The following LRP2 variants were observed in gnomAD, a reference collection of about 807,000 sequenced individuals.
The protein encoded by LRP2 is LDL receptor related protein 2.
LRP2 carries 172 observed loss-of-function variants against 531.0 expected under a neutral mutation model. That is an observed-to-expected ratio of 0.32 (90% confidence interval 0.29 to 0.37). The LOEUF (loss-of-function observed/expected upper bound fraction) is 0.37. Among genes scored for constraint, LRP2 ranks in the 10% least tolerant of loss-of-function variants. LRP2 has a pLI of 1.00. For missense variants in LRP2, 5,167 were observed against 5,868.3 expected (o/e 0.88, Z 3.90); for synonymous variants, 1,992 against 2,027.6 (o/e 0.98, Z 0.47).
chr2:169,233,964 G>A (rs1353144170), intron 29 of LRP2, among the ~76,000 whole-genome samples: 2 of 151,962 alleles, frequency 1.3e-5, no homozygotes, highest in East Asian at 1.9e-4. Context: ...CCACTCCCAC[G>A]CCCCAGCCTT....
chr2:169,345,307 C>G (rs1685667729), intron 1 of LRP2, among the ~76,000 whole-genome samples: 1 of 152,178 alleles, frequency 6.6e-6, no homozygotes, highest in Non-Finnish European at 1.5e-5. Context: ...GAGCTGCCTT[C>G]TTTCCAGAAT....
At chr2:169,238,923 T>G (rs774375032) in intron 26 of LRP2, among the ~76,000 whole-genome samples, 8 of 152,158 alleles carry the variant, frequency 5.3e-5, no homozygotes, top group Non-Finnish European at 8.8e-5. Context: ...GGAAGCTGCT[T>G]GCCCTCCACT....
rs566407813 is a variant in LRP2, at chr2:169,202,763, A to T, written c.8202T>A (p.Ser2734Arg). 3.1e-6 allele frequency: 5 copies of T among 1,614,146 alleles called. No homozygotes were observed. The East Asian group carries it at 6.7e-5, about 22-fold the overall frequency. The stretch of plus-strand genomic sequence containing the variant: ...GCCAAGAGTCCAACTCACCACAGAC[A>T]CTTTCCATCTCATCACTGCCATCCC... Reference protein sequence around the residue: ...DCGDGSDEMESVCALHTCSPT... With the variant: ...DCGDGSDEMERVCALHTCSPT... Residue 2734 changes from serine to arginine, a missense_variant, in exon 43 of 79, where the codon AGT becomes AGA. Transcript: ENST00000649046.
intron 21 of LRP2, among the ~76,000 whole-genome samples, chr2:169,245,142 A>C (rs184576201): frequency 1.8e-4 from 28 of 152,326 alleles, no homozygotes; most frequent in African/African-American, 5.8e-4. Flanking sequence ...TTTCTAAGTT[A>C]TGCACCCACA....
At chr2:169,281,826 T>C (rs1410406840) in intron 10 of LRP2, among the ~76,000 whole-genome samples, 2 of 152,108 alleles carry the variant, frequency 1.3e-5, no homozygotes, top group African/African-American at 4.8e-5. Flanking sequence ...ATTCACAAGA[T>C]GCAGAACTGT....
At chr2:169,330,194 A>C (rs1685228199) in intron 1 of LRP2, among the ~76,000 whole-genome samples, 1 of 152,186 alleles carries the variant, frequency 6.6e-6, no homozygotes, top group African/African-American at 2.4e-5. Context: ...ACAACATCCT[A>C]GTGACCAGCC....
intron 58 of LRP2, 64 bp downstream of exon 58, chr2:169,171,951 T>C (rs1687019240): frequency 2.5e-6 from 4 of 1,605,386 alleles, no homozygotes; most frequent in Admixed American, 1.7e-5. Flanking sequence ...AGTTGAATTA[T>C]GGACAAAAAG....
chr2:169,326,631 C>T (rs929214570), intron 1 of LRP2, among the ~76,000 whole-genome samples: 6 of 152,176 alleles, frequency 3.9e-5, no homozygotes, highest in African/African-American at 1.4e-4. Flanking sequence ...CTCTGCCCGG[C>T]CACCACCCCG....
chr2:169,205,001 A>C (rs960071557), intron 41 of LRP2, among the ~76,000 whole-genome samples: 1 of 152,038 alleles, frequency 6.6e-6, no homozygotes, highest in Non-Finnish European at 1.5e-5. Flanking sequence ...ATTTGAAAAG[A>C]TGACAAAAAG....
At position 169,315,784 on chromosome 2, in the gene LRP2, G is replaced by A. The variant is rs146109772; in HGVS notation, c.310+2978C>T. Among the ~76,000 whole-genome samples the A allele has an allele frequency of 4.7e-3, 710 of 152,112 alleles. 3 individuals carry two copies. The highest frequency in any genetic ancestry group is 6.8e-3 in the Non-Finnish European group (459 of 67,998). ...CTGGAGGCAGGGAGGCCAACCCAGA[G>A]ACTACTGCTGACACCCAAATGAGAG... On this transcript the variant is annotated intron_variant, in intron 3 of 78. Transcript: ENST00000649046.
Position 169,316,306 on chromosome 2 carries a change from G to A in LRP2, c.310+2456C>T, listed in dbSNP as rs114227289. ...CAAGAATAACCTCCAAGTTTCTAGC[G>A]TGGGTGCCTAGGGGATTGTGATAGC... On this transcript the variant is annotated intron_variant, in intron 3 of 78. Coordinates refer to ENST00000649046, the MANE Select transcript of LRP2 (RefSeq NM_004525.3). Among the ~76,000 whole-genome samples the A allele has an allele frequency of 6.2e-3, 938 of 152,272 alleles. 6 individuals carry two copies. Among genetic ancestry groups the A allele is most frequent in the African/African-American group, 0.02 (846 of 41,568 alleles).
intron 7 of LRP2, 98 bp from the exon 8 acceptor site, chr2:169,291,095 A>C (rs1172680119): frequency 5.8e-6 from 6 of 1,039,628 alleles, no homozygotes; most frequent in Non-Finnish European, 8.6e-6. Flanking sequence ...AAGTTGAACA[A>C]GAGAAATCTA....
intron 1 of LRP2, among the ~76,000 whole-genome samples, chr2:169,333,792 G>A (rs759915088): frequency 2.3e-4 from 35 of 152,088 alleles, no homozygotes; most frequent in Non-Finnish European, 4.6e-4. Flanking sequence ...TTCAGAACAT[G>A]CCTCACCAGC....
In LRP2 at chr2:169,362,392, C is replaced by G. The variant is rs1172501525; in HGVS notation, c.8G>C (p.Arg3Pro). ...CGTGCACGCCACTGCTGCCGGCCCG[C>G]GATCCATCTCCGCGACGGTCCCCGG... Reference protein sequence around the residue: MDRGPAAVACTLL... With the variant: MDPGPAAVACTLL... Residue 3 changes from arginine to proline, a missense_variant, in exon 1 of 79, where the codon CGC becomes CCC. Physicochemically the swap from Arg to Pro is moderately radical, Grantham distance 103. This residue lies in a region of LRP2 where 2,811 missense variants were observed against 3,058.0 expected (regional missense o/e 0.92). Coordinates refer to ENST00000649046, the MANE Select transcript of LRP2 (RefSeq NM_004525.3). 2.6e-6 allele frequency: 4 copies of G among 1,563,642 alleles called. No individual in the cohort carries two copies. The highest frequency in any genetic ancestry group is 1.2e-5 in the South Asian group (1 of 85,022).
At chr2:169,195,618 T>G (rs1355689097) in intron 46 of LRP2, among the ~76,000 whole-genome samples, 3 of 152,328 alleles carry the variant, frequency 2.0e-5, no homozygotes, top group African/African-American at 7.2e-5. Flanking sequence ...TGGCTTTTGT[T>G]ACCATAGAGA....
At chr2:169,150,171 C>T (rs1686069834) in intron 68 of LRP2, among the ~76,000 whole-genome samples, 1 of 152,182 alleles carries the variant, frequency 6.6e-6, no homozygotes, top group African/African-American at 2.4e-5. Flanking sequence ...GTAATAACAG[C>T]TCATAGGGTT....
chr2:169,295,656 G>A (rs1486936221), intron 4 of LRP2, among the ~76,000 whole-genome samples: 2 of 152,080 alleles, frequency 1.3e-5, no homozygotes, highest in Non-Finnish European at 2.9e-5. Context: ...CCAACAATTA[G>A]TACAGGGGTG....
chr2:169,181,718 T>C (rs541129189), intron 51 of LRP2, 100 bp from the exon 52 acceptor site: 16 of 628,000 alleles, frequency 2.5e-5, no homozygotes, highest in African/African-American at 2.5e-4. Flanking sequence ...GTCTGCATTC[T>C]GTAGAGCAGA....
intron 69 of LRP2, among the ~76,000 whole-genome samples, chr2:169,146,321 T>G (rs562219729): frequency 6.6e-6 from 1 of 152,308 alleles, no homozygotes; most frequent in African/African-American, 2.4e-5. Context: ...CTGCAGAGTC[T>G]GAACAACAAC....
Sources: allele counts gnomAD v4.1 joint callset (sites outside exome capture counted in the v4.1 genomes callset), GRCh38; gene constraint gnomAD v4.1.1; regional missense constraint gnomAD v4.1.1; transcripts MANE v1.5; gene names NCBI Gene and HGNC (gene_info 2026-07-23, HGNC 2026-07-21).